PALLD: variants seen among roughly 807,000 people sequenced by gnomAD.
PALLD encodes the protein palladin.
Under a neutral mutation model 123.5 loss-of-function variants are expected in PALLD, and 61 were observed. The ratio of observed to expected loss-of-function variants is 0.49; its 90% CI spans 0.40 to 0.61. The LOEUF (loss-of-function observed/expected upper bound fraction) is 0.61, where lower values mean the gene tolerates loss of function less well. Ranked by LOEUF, PALLD falls within the 20% of genes least tolerant of loss-of-function variation. The pLI is 0.00. For synonymous variants in PALLD, 465 were observed against 496.4 expected, an observed-to-expected ratio of 0.94 and a Z score of 0.84; for missense variants, 1,273 against 1,377.0, an observed-to-expected ratio of 0.92 and a Z score of 1.20.
chr4:168,721,121 A>G (rs1785970068), intron 10 of PALLD, among the ~76,000 whole-genome samples: 1 of 152,356 alleles, frequency 6.6e-6, no homozygotes, highest in Middle Eastern at 3.4e-3. Flanking sequence ...TCAATCATCC[A>G]TAAGAAATAC....
At chr4:168,526,420 C>G (rs72697209) in intron 2 of PALLD, among the ~76,000 whole-genome samples, 1 of 152,094 alleles carries the variant, frequency 6.6e-6, no homozygotes, top group Non-Finnish European at 1.5e-5. Context: ...TTCTCACATC[C>G]GTGGTATTGA....
At chr4:168,838,666 C>T (rs62332974) in intron 10 of PALLD, among the ~76,000 whole-genome samples, 5 of 127,662 alleles carry the variant, frequency 3.9e-5, no homozygotes, top group Non-Finnish European at 7.9e-5. Context: ...TCTTCTAACT[C>T]CTTTTTTTTT....
At chr4:168,826,649 CTG>C (rs1030742034) in intron 10 of PALLD, among the ~76,000 whole-genome samples, 2 of 152,140 alleles carry the variant, frequency 1.3e-5, no homozygotes, top group African/African-American at 4.8e-5. Context: ...AAACTAAATA[CTG>C]TGTTTTGCAA....
Position 168,913,984 on chromosome 4 carries a change from A to T in PALLD, c.2680A>T (p.Ser894Cys). ...ACAGGCTGTCAACCAAAGAGGTCGA[A>T]GTCCCCGGTCTCCCTCAGGCCATCC... ...MVQAVNQRGR[S>C]PRSPSGHPHV... The change falls in exon 16 of 22, where the codon AGT (serine) becomes TGT (cysteine). Residue 894 changes from serine (S) to cysteine (C), a missense_variant. Coordinates refer to ENST00000505667, the MANE Select transcript of PALLD (RefSeq NM_001166108.2). The T allele has an allele frequency of 6.2e-7, 1 of 1,612,568 alleles. No individual in the cohort carries two copies. Among genetic ancestry groups the T allele is most frequent in the South Asian group, 1.1e-5 (1 of 91,056 alleles).
At chr4:168,898,217 G>A (rs1755671727) in intron 13 of PALLD, 1 of 473,968 alleles carries the variant, frequency 2.1e-6, no homozygotes, top group African/African-American at 2.0e-5. Context: ...CCTTCCCCTT[G>A]TTTCCCCTCG....
intron 2 of PALLD, among the ~76,000 whole-genome samples, chr4:168,538,163 A>T (rs28760293): frequency 0.18 from 27,897 of 152,176 alleles, 2,508 homozygotes; most frequent in African/African-American, 0.2. Flanking sequence ...GTAGGATTTT[A>T]AAAATAAGTA....
chr4:168,894,814 A>G, intron 12 of PALLD, 137 bp downstream of exon 12: 1 of 1,418,806 alleles, frequency 7.0e-7, no homozygotes, highest in Non-Finnish European at 9.5e-7. Flanking sequence ...TAATATCATC[A>G]GTCAACCTCA....
intron 2 of PALLD, among the ~76,000 whole-genome samples, chr4:168,558,920 G>T (rs1767592102): frequency 6.6e-6 from 1 of 152,138 alleles, no homozygotes. Flanking sequence ...AAATGACAAG[G>T]TTCAAATTAT....
At chr4:168,618,934 A>C (rs1195381449) in intron 2 of PALLD, among the ~76,000 whole-genome samples, 2 of 152,224 alleles carry the variant, frequency 1.3e-5, no homozygotes, top group Non-Finnish European at 2.9e-5. Context: ...TCAGGCTTCT[A>C]GAAGGCAGTG....
intron 10 of PALLD, among the ~76,000 whole-genome samples, chr4:168,811,878 G>A (rs1481049117): frequency 1.3e-5 from 2 of 151,926 alleles, no homozygotes; most frequent in East Asian, 3.9e-4. Context: ...TTGGATATTA[G>A]GGGTGTCAAA....
intron 10 of PALLD, among the ~76,000 whole-genome samples, chr4:168,724,958 G>A (rs1252967455): frequency 1.3e-5 from 2 of 152,130 alleles, no homozygotes; most frequent in Admixed American, 1.3e-4. Context: ...GCTCACTACT[G>A]TACACCATCT....
At chr4:168,689,375 G>C (rs1490650947) in intron 6 of PALLD, among the ~76,000 whole-genome samples, 3 of 146,064 alleles carry the variant, frequency 2.1e-5, no homozygotes, top group Non-Finnish European at 4.5e-5. Context: ...TGTATATATG[G>C]ATAAATTATG....
At chr4:168,582,628 C>CT (rs1253403448) in intron 2 of PALLD, among the ~76,000 whole-genome samples, 2 of 151,950 alleles carry the variant, frequency 1.3e-5, no homozygotes, top group Middle Eastern at 3.2e-3. Context: ...GTTGAGAATT[C>CT]TTATGAAAGG....
rs1335817463 is a variant in PALLD at position 168,898,474 on chromosome 4, T to G, written c.2251-19T>G. 6.4e-7 allele frequency: 1 copy of G among 1,560,292 alleles called. No homozygotes were observed. Among genetic ancestry groups the G allele is most frequent in the Non-Finnish European group, 8.8e-7 (1 of 1,131,138 alleles). The stretch of plus-strand genomic sequence containing the variant: ...TCAGAAGGGATTGAGTCTGCTAACT[T>G]AAACTTTCCTTGATTCAGGAATACA... On this transcript the variant is annotated intron_variant, in intron 13 of 21. Coordinates refer to ENST00000505667, the MANE Select transcript of PALLD (RefSeq NM_001166108.2).
At chr4:168,539,838 G>T (rs1765442888) in intron 2 of PALLD, among the ~76,000 whole-genome samples, 1 of 151,824 alleles carries the variant, frequency 6.6e-6, no homozygotes, top group Admixed American at 6.6e-5. Context: ...TAGATTCAGG[G>T]GGTACACGTG....
intron 10 of PALLD, among the ~76,000 whole-genome samples, chr4:168,887,128 A>AC (rs1560858018): frequency 8.4e-6 from 1 of 119,704 alleles, no homozygotes; most frequent in Admixed American, 7.9e-5. Flanking sequence ...AAAAAAAAAA[A>AC]AAAAGAAAAA....
chr4:168,540,311 G>T (rs1417638203), intron 2 of PALLD, among the ~76,000 whole-genome samples: 3 of 152,178 alleles, frequency 2.0e-5, no homozygotes, highest in Non-Finnish European at 2.9e-5. Flanking sequence ...AAGCTTAAAA[G>T]ATCAGAAAGG....
intron 10 of PALLD, among the ~76,000 whole-genome samples, chr4:168,835,530 A>G (rs1745031246): frequency 6.6e-6 from 1 of 152,158 alleles, no homozygotes; most frequent in Non-Finnish European, 1.5e-5. Flanking sequence ...TGAGACACTC[A>G]TTTCTTCTTA....
At position 168,927,105 on chromosome 4, in the gene PALLD, G is replaced by A; in HGVS notation, c.*925G>A. ...AAATATAAATAATATAAAGTGCTCT[G>A]AATAAAGCAGAAATATATTACAGTT... On this transcript the variant is annotated 3_prime_UTR_variant, in exon 22 of 22. Coordinates refer to ENST00000505667, the MANE Select transcript of PALLD (RefSeq NM_001166108.2). 4.5e-6 allele frequency: 1 copy of A among 224,632 alleles called. No individual in the cohort carries two copies. The allele number at this position is 224,632 out of a possible 1,614,324, so 13.9% of individuals were successfully genotyped here. A position where few individuals can be genotyped will look rare whatever the true frequency, so the allele number is the denominator to read the frequency against.
Sources: allele counts gnomAD v4.1 joint callset (sites outside exome capture counted in the v4.1 genomes callset), GRCh38; gene constraint gnomAD v4.1.1; transcripts MANE v1.5; gene names NCBI Gene and HGNC (gene_info 2026-07-23, HGNC 2026-07-21).